The following GRM8 variants were observed in gnomAD, a reference collection of about 807,000 sequenced individuals.
The protein encoded by GRM8 is metabotropic glutamate receptor 8.
A neutral mutation model predicts 87.2 loss-of-function variants in GRM8; 47 were observed. The ratio of observed to expected loss-of-function variants is 0.54; its 90% CI spans 0.43 to 0.69. The LOEUF (loss-of-function observed/expected upper bound fraction) is 0.69. Ranked by LOEUF, GRM8 falls within the 30% of genes least tolerant of loss-of-function variation. The probability of loss-of-function intolerance (pLI) is 0.00; values close to 1 mark genes in which losing one functional copy is unlikely to be tolerated. For missense variants in GRM8, 1,019 were observed against 1,139.2 expected, an observed-to-expected ratio of 0.89 and a Z score of 1.52; for synonymous variants, 396 against 404.5, an observed-to-expected ratio of 0.98 and a Z score of 0.25.
intron 7 of GRM8, among the ~76,000 whole-genome samples, chr7:126,740,466 A>T (rs751455796): frequency 6.6e-4 from 101 of 152,250 alleles, no homozygotes; most frequent in Non-Finnish European, 7.4e-4. Flanking sequence ...TCTTGACTAA[A>T]ATGGTACTTT....
At chr7:126,714,311 T>TAAA (rs1811477332) in intron 7 of GRM8, among the ~76,000 whole-genome samples, 10 of 147,716 alleles carry the variant, frequency 6.8e-5, no homozygotes, top group Admixed American at 6.1e-4. Flanking sequence ...ATAATAATAA[T>TAAA]AATAATAATA....
At chr7:126,703,418 T>C (rs1810153926) in intron 7 of GRM8, among the ~76,000 whole-genome samples, 2 of 152,180 alleles carry the variant, frequency 1.3e-5, no homozygotes, top group African/African-American at 4.8e-5. Flanking sequence ...GACAAAAGAC[T>C]TTGACAAGGA....
chr7:126,903,197 G>A (rs181217673), intron 5 of GRM8, among the ~76,000 whole-genome samples: 388 of 152,066 alleles, frequency 2.6e-3, no homozygotes, highest in Non-Finnish European at 4.7e-3. Context: ...CTCAAGTGTC[G>A]GTTTGCTCAG....
chr7:126,621,367 G>A (rs772678861), intron 7 of GRM8, among the ~76,000 whole-genome samples: 7 of 152,000 alleles, frequency 4.6e-5, no homozygotes, highest in Non-Finnish European at 1.0e-4. Flanking sequence ...CAACATCCTG[G>A]CTGCAGAGTT....
At chr7:126,828,209 G>T (rs980689129) in intron 6 of GRM8, among the ~76,000 whole-genome samples, 36 of 152,120 alleles carry the variant, frequency 2.4e-4, no homozygotes, top group African/African-American at 8.7e-4. Context: ...TTTGGTATCA[G>T]GATGATGCTG....
chr7:126,970,246 TCTC>T (rs920471309), intron 3 of GRM8, among the ~76,000 whole-genome samples: 2 of 152,094 alleles, frequency 1.3e-5, no homozygotes, highest in African/African-American at 2.4e-5. Context: ...AGCATTGACT[TCTC>T]CTCCCTAGCT....
At chr7:126,750,311 T>C (rs1285398138) in intron 7 of GRM8, among the ~76,000 whole-genome samples, 1 of 151,934 alleles carries the variant, frequency 6.6e-6, no homozygotes, top group Non-Finnish European at 1.5e-5. Context: ...TTCTAAGAAA[T>C]GGGATTCAGG....
intron 7 of GRM8, among the ~76,000 whole-genome samples, chr7:126,670,327 T>C (rs1806246721): frequency 6.6e-6 from 1 of 152,160 alleles, no homozygotes; most frequent in Admixed American, 6.5e-5. Flanking sequence ...TATATGAGAT[T>C]GCCAAAATGA....
At chr7:126,992,035 T>C (rs991273525) in intron 3 of GRM8, among the ~76,000 whole-genome samples, 1 of 152,166 alleles carries the variant, frequency 6.6e-6, no homozygotes, top group African/African-American at 2.4e-5. Context: ...AAATAAGAAC[T>C]TCTCTAATTG....
At chr7:126,445,619 C>T (rs1054602255) in intron 10 of GRM8, among the ~76,000 whole-genome samples, 17 of 151,948 alleles carry the variant, frequency 1.1e-4, no homozygotes, top group East Asian at 7.8e-4. Context: ...AAGGGGACCA[C>T]GTGGGAGAAA....
At chr7:126,740,635 C>A (rs1489174358) in intron 7 of GRM8, among the ~76,000 whole-genome samples, 2 of 152,162 alleles carry the variant, frequency 1.3e-5, no homozygotes, top group African/African-American at 4.8e-5. Context: ...TATTGTTTAC[C>A]TCAGTTTCAC....
chr7:127,078,298 C>T (rs529557428), intron 3 of GRM8, among the ~76,000 whole-genome samples: 15 of 152,316 alleles, frequency 9.8e-5, no homozygotes, highest in East Asian at 7.7e-4. Flanking sequence ...TACACACCAC[C>T]GTCCTACCAT....
chr7:126,924,105 C>T (rs1266447756), intron 3 of GRM8, among the ~76,000 whole-genome samples: 1 of 152,164 alleles, frequency 6.6e-6, no homozygotes, highest in Non-Finnish European at 1.5e-5. Flanking sequence ...AATGAAGAGA[C>T]TCCTTGCTCC....
rs554352280 is a variant in GRM8, at chr7:127,086,523, C to T, written c.727+19973G>A. Among the ~76,000 whole-genome samples the T allele has an allele frequency of 1.1e-4, 16 of 152,244 alleles. No homozygotes were observed. In the East Asian group the frequency reaches 1.4e-3, roughly 13 times the overall value. On this transcript the variant is annotated intron_variant, in intron 3 of 10. Transcript: ENST00000339582. The stretch of plus-strand genomic sequence containing the variant: ...TGTCTTAAATGCCTTTATCTCTTTC[C>T]CTGGTCTCTGTCTACATGCACCTCC...
Position 126,504,159 on chromosome 7 carries a change from T to C in GRM8, c.2430+28793A>G, listed in dbSNP as rs542592450. On this transcript the variant is annotated intron_variant, in intron 9 of 10. Transcript: ENST00000339582. ...ACACTTTCAAAAGCCATTTTGGAAA[T>C]GTACACGTGATTTACAGACACTCTA... Among the ~76,000 whole-genome samples, 5 of 152,160 alleles carry C rather than the reference T, an allele frequency of 3.3e-5. No homozygotes were observed. The South Asian group carries it at 1.0e-3, about 32-fold the overall frequency.
At chr7:126,980,780 C>A (rs1811442500) in intron 3 of GRM8, among the ~76,000 whole-genome samples, 1 of 152,226 alleles carries the variant, frequency 6.6e-6, no homozygotes, top group South Asian at 2.1e-4. Context: ...GCTGTCATTT[C>A]TCATACATGA....
chr7:126,928,077 A>T (rs944390619), intron 3 of GRM8, among the ~76,000 whole-genome samples: 3 of 152,108 alleles, frequency 2.0e-5, no homozygotes, highest in African/African-American at 7.2e-5. Flanking sequence ...AGGGACATGG[A>T]TGACGCTGGA....
chr7:126,754,341 C>G (rs1816769891), intron 7 of GRM8, among the ~76,000 whole-genome samples: 1 of 151,872 alleles, frequency 6.6e-6, no homozygotes, highest in Admixed American at 6.6e-5. Flanking sequence ...TTATGATGCT[C>G]TTAAAATGTA....
At chr7:126,918,392 AC>A (rs1804156391) in intron 3 of GRM8, among the ~76,000 whole-genome samples, 1 of 152,176 alleles carries the variant, frequency 6.6e-6, no homozygotes, top group Admixed American at 6.5e-5. Flanking sequence ...TGTAATAAAC[AC>A]CCTGCTTTAT....
Sources: allele counts gnomAD v4.1 joint callset (sites outside exome capture counted in the v4.1 genomes callset), GRCh38; gene constraint gnomAD v4.1.1; transcripts MANE v1.5; gene names NCBI Gene and HGNC (gene_info 2026-07-23, HGNC 2026-07-21).